GTF2B: variants seen among roughly 807,000 people sequenced by gnomAD.
GTF2B encodes transcription initiation factor IIB.
In GTF2B, 20 loss-of-function variants were observed where a neutral mutation model predicts 34.6. That is an observed-to-expected ratio of 0.58 (90% CI 0.41 to 0.84). GTF2B has a LOEUF of 0.84. GTF2B is among the 40% of genes least tolerant of loss of function. GTF2B has a pLI of 0.00. For missense variants in GTF2B, 237 were observed against 393.3 expected (o/e 0.60, Z 3.36); for synonymous variants, 142 against 132.4 (o/e 1.07, Z -0.50).
At chr1:88,867,348 C>A (rs931806261) in intron 2 of GTF2B, among the ~76,000 whole-genome samples, 1 of 152,182 alleles carries the variant, frequency 6.6e-6, no homozygotes, top group Admixed American at 6.5e-5. Context: ...TTATCATAAA[C>A]ACCAGCATGG....
At chr1:88,865,286 T>C (rs968956827) in intron 2 of GTF2B, among the ~76,000 whole-genome samples, 8 of 152,228 alleles carry the variant, frequency 5.3e-5, no homozygotes, top group Non-Finnish European at 8.8e-5. Context: ...ATAATACCCA[T>C]GTACAGTGCA....
intron 1 of GTF2B, chr1:88,887,589 G>T: frequency 2.2e-6 from 1 of 452,816 alleles, no homozygotes; most frequent in South Asian, 2.3e-5. Context: ...ATTTTATTGT[G>T]GAAGGCTTTC....
At chr1:88,889,084 G>A (rs1049617343) in intron 1 of GTF2B, among the ~76,000 whole-genome samples, 2 of 152,146 alleles carry the variant, frequency 1.3e-5, no homozygotes, top group Non-Finnish European at 2.9e-5. Context: ...TTTCGTGGGG[G>A]AAGAGAGGTT....
chr1:88,873,278 C>T (rs1404384155), intron 2 of GTF2B, among the ~76,000 whole-genome samples: 1 of 151,206 alleles, frequency 6.6e-6, no homozygotes, highest in Non-Finnish European at 1.5e-5. Context: ...CAACCTCCAC[C>T]TCCCAAGTTC....
intron 2 of GTF2B, among the ~76,000 whole-genome samples, chr1:88,870,034 TCTC>T (rs892343429): frequency 9.9e-5 from 15 of 151,782 alleles, no homozygotes; most frequent in Admixed American, 2.0e-4. Flanking sequence ...TTCACGCCCT[TCTC>T]CTGCCTCAGC....
At chr1:88,871,068 A>G (rs1183554250) in intron 2 of GTF2B, among the ~76,000 whole-genome samples, 1 of 151,782 alleles carries the variant, frequency 6.6e-6, no homozygotes, top group Non-Finnish European at 1.5e-5. Context: ...CGCCTGGCTA[A>G]TTTTTGTATT....
chr1:88,871,528 C>T (rs1440796426), intron 2 of GTF2B, among the ~76,000 whole-genome samples: 1 of 152,058 alleles, frequency 6.6e-6, no homozygotes, highest in African/African-American at 2.4e-5. Flanking sequence ...GTAACATTTC[C>T]ACTCACATGC....
At chr1:88,875,102 G>GT (rs1673790084) in intron 2 of GTF2B, among the ~76,000 whole-genome samples, 1 of 152,012 alleles carries the variant, frequency 6.6e-6, no homozygotes. Context: ...TTAGTCTAGG[G>GT]TCACTATACA....
intron 2 of GTF2B, among the ~76,000 whole-genome samples, chr1:88,870,851 T>C (rs546316814): frequency 6.6e-6 from 1 of 152,018 alleles, no homozygotes; most frequent in South Asian, 2.1e-4. Flanking sequence ...GTTGAGTTTA[T>C]TAAATGTCTG....
chr1:88,871,145 G>A (rs145007093), intron 2 of GTF2B, among the ~76,000 whole-genome samples: 18 of 152,070 alleles, frequency 1.2e-4, no homozygotes, highest in Non-Finnish European at 1.6e-4. Flanking sequence ...CATGTTATCC[G>A]CAAACATTGG....
intron 6 of GTF2B, among the ~76,000 whole-genome samples, chr1:88,854,753 C>G (rs1407649178): frequency 6.6e-6 from 1 of 152,212 alleles, no homozygotes; most frequent in Admixed American, 6.6e-5. Flanking sequence ...GCCTCAGCCT[C>G]CCAAAATGCT....
chr1:88,869,652 G>C (rs1453167271), intron 2 of GTF2B, among the ~76,000 whole-genome samples: 2 of 152,022 alleles, frequency 1.3e-5, no homozygotes, highest in Non-Finnish European at 2.9e-5. Context: ...CCCCGAGACG[G>C]AGTCTCACTC....
chr1:88,879,847 G>C (rs1383238332), intron 2 of GTF2B, among the ~76,000 whole-genome samples: 1 of 151,962 alleles, frequency 6.6e-6, no homozygotes, highest in Non-Finnish European at 1.5e-5. Flanking sequence ...CCTGAGGTCA[G>C]GAGTTTGAGA....
rs1673493927 is a variant in GTF2B, at chr1:88,863,869, G to A, written c.258+112C>T. Reference sequence around the variant, plus strand: ...ATGATATTACTGGCAAATCTTATTAGACAGGTCAAGATTCCCCACTGGTGC... The same window carrying A: ...ATGATATTACTGGCAAATCTTATTAAACAGGTCAAGATTCCCCACTGGTGC... On this transcript the variant is annotated intron_variant, in intron 3 of 6. Transcript: ENST00000370500. The A allele has an allele frequency of 3.5e-5, 30 of 848,820 alleles. 1 individual carries two copies. The South Asian group carries it at 4.2e-4, about 12-fold the overall frequency. 52.6% of individuals were successfully genotyped at this position (848,820 alleles called of 1,614,324 possible).
chr1:88,857,183 C>T, intron 6 of GTF2B, 23 bp downstream of exon 6: 7 of 1,583,478 alleles, frequency 4.4e-6, no homozygotes, highest in Non-Finnish European at 4.3e-6. Context: ...TTTACTGCCA[C>T]ACTTCCTGAT....
intron 2 of GTF2B, among the ~76,000 whole-genome samples, chr1:88,875,144 G>A (rs964973787): frequency 2.0e-5 from 3 of 152,120 alleles, no homozygotes; most frequent in Non-Finnish European, 4.4e-5. Context: ...AGACAATTTT[G>A]AAGAGAATGC....
intron 2 of GTF2B, among the ~76,000 whole-genome samples, chr1:88,864,890 C>T (rs1398286110): frequency 6.6e-6 from 1 of 152,192 alleles, no homozygotes; most frequent in Non-Finnish European, 1.5e-5. Flanking sequence ...AAGGTAGGTA[C>T]CAATTTTATT....
intron 2 of GTF2B, among the ~76,000 whole-genome samples, chr1:88,884,090 C>T (rs1001494525): frequency 7.0e-6 from 1 of 142,930 alleles, no homozygotes; most frequent in Non-Finnish European, 1.5e-5. Context: ...TGCAGTGGTG[C>T]AATCTCGGCT....
At chr1:88,859,339 T>C (rs781458958) in intron 5 of GTF2B, among the ~76,000 whole-genome samples, 1 of 152,228 alleles carries the variant, frequency 6.6e-6, no homozygotes, top group East Asian at 1.9e-4. Context: ...GAAAAGAACA[T>C]AGTGGGCTTA....
Sources: allele counts gnomAD v4.1 joint callset (sites outside exome capture counted in the v4.1 genomes callset), GRCh38; gene constraint gnomAD v4.1.1; transcripts MANE v1.5; gene names NCBI Gene and HGNC (gene_info 2026-07-23, HGNC 2026-07-21).